Variants in SMR3A observed in about 807,000 individuals in gnomAD.
The protein encoded by SMR3A is submaxillary gland androgen-regulated protein 3A.
For synonymous variants in SMR3A, 48 were observed against 57.4 expected, an observed-to-expected ratio of 0.84 and a Z score of 0.74; for missense variants, 188 against 163.0, an observed-to-expected ratio of 1.15 and a Z score of -0.84.
chr4:70,364,543 C>G (rs1732220529), intron 2 of SMR3A, among the ~76,000 whole-genome samples: 1 of 151,840 alleles, frequency 6.6e-6, no homozygotes, highest in African/African-American at 2.4e-5. Context: ...AGAGCCAGGT[C>G]CCTCAGAAAA....
chr4:70,365,164 C>G (rs1295640893), intron 2 of SMR3A, among the ~76,000 whole-genome samples: 1 of 152,018 alleles, frequency 6.6e-6, no homozygotes, highest in Non-Finnish European at 1.5e-5. Flanking sequence ...ATCACAGAGA[C>G]AATCCTTTAT....
intron 2 of SMR3A, among the ~76,000 whole-genome samples, chr4:70,365,676 A>G (rs1293278978): frequency 3.3e-5 from 5 of 152,024 alleles, no homozygotes; most frequent in Admixed American, 3.3e-4. Context: ...GTAATTACTC[A>G]GCCTGTGGAT....
chr4:70,366,095 C>T (rs1732254128), intron 2 of SMR3A, among the ~76,000 whole-genome samples: 1 of 152,034 alleles, frequency 6.6e-6, no homozygotes, highest in Non-Finnish European at 1.5e-5. Flanking sequence ...TGCTCAATAA[C>T]AAATTACCAC....
chr4:70,362,420 A>C (rs1732170112), intron 2 of SMR3A, among the ~76,000 whole-genome samples: 1 of 151,880 alleles, frequency 6.6e-6, no homozygotes, highest in African/African-American at 2.4e-5. Flanking sequence ...GATAAGTATA[A>C]ATGTAGGTCC....
rs755873585 is a variant in SMR3A, at chr4:70,366,780, CA to C, written c.192del (p.Pro65HisfsTer57). On this transcript the variant is annotated frameshift_variant, in exon 3 of 3. Coordinates refer to ENST00000226460, the MANE Select transcript of SMR3A (RefSeq NM_012390.4). LOFTEE classifies it low-confidence loss of function (END_TRUNC). ...HPPPYGPGRFPPPLSPPYGPG... is the reference protein window; with the variant it reads ...HPPPYGPGRFXPPLSPPYGPG... The stretch of plus-strand genomic sequence containing the variant: ...CCACCCTATGGTCCAGGGAGATTTC[CA>C]CCACCCCTTTCTCCACCCTATGGTC... The C allele has an allele frequency of 2.4e-5, 38 of 1,613,244 alleles. No homozygotes were observed. The highest frequency in any genetic ancestry group is 3.1e-5 in the Non-Finnish European group (36 of 1,179,716).
At position 70,366,822 on chromosome 4, in the gene SMR3A, C is replaced by T. The variant is rs1732274963; in HGVS notation, c.233C>T (p.Pro78Leu). ...CCCTATGGTCCAGGGAGAATCCCACCATCCCCTCCTCCACCCTATGGTCCA... is the reference window on the plus strand; with the variant it reads ...CCCTATGGTCCAGGGAGAATCCCACTATCCCCTCCTCCACCCTATGGTCCA... ...SPPYGPGRIP[P>L]SPPPPYGPGR... The change falls in exon 3 of 3, where the codon CCA (proline) becomes CTA (leucine). Residue 78 changes from proline to leucine, a missense_variant. By Grantham distance (98) the Pro-to-Leu change is moderately conservative. Coordinates refer to ENST00000226460, the MANE Select transcript of SMR3A (RefSeq NM_012390.4). 6.2e-7 allele frequency: 1 copy of T among 1,613,438 alleles called. No homozygotes were observed. Among genetic ancestry groups the T allele is most frequent in the African/African-American group, 1.3e-5 (1 of 74,808 alleles).
Position 70,366,883 on chromosome 4 carries a change from T to G in SMR3A, c.294T>G (p.Tyr98Ter), listed in dbSNP as rs778602727. Residue 98 changes from tyrosine to a stop codon, truncating the protein, a stop_gained, in exon 3 of 3, where the codon TAT (tyrosine) becomes TAG (stop). Transcript: ENST00000226460. LOFTEE classifies it low-confidence loss of function (END_TRUNC). The part of the protein sequence containing the change: ...RIQSHSLPPP[Y>*]GPGYPQPPSQ... ...AATCACACTCTCTTCCTCCTCCTTA[T>G]GGCCCAGGTTATCCACAGCCACCTT... 1.2e-6 allele frequency: 2 copies of G among 1,613,664 alleles called. No individual in the cohort carries two copies. The highest frequency in any genetic ancestry group is 1.7e-6 in the Non-Finnish European group (2 of 1,179,774).
intron 2 of SMR3A, 152 bp downstream of exon 2, chr4:70,362,321 TA>T: frequency 7.1e-7 from 1 of 1,403,976 alleles, no homozygotes; most frequent in Non-Finnish European, 9.5e-7. Context: ...AATTTAAATT[TA>T]AAATCTAATT....
In SMR3A at chr4:70,366,792, C is replaced by G; in HGVS notation, c.203C>G (p.Ser68Cys). 6.2e-7 allele frequency: 1 copy of G among 1,613,326 alleles called. No homozygotes were observed. Among genetic ancestry groups the G allele is most frequent in the Non-Finnish European group, 8.5e-7 (1 of 1,179,682 alleles). The change falls in exon 3 of 3, where the codon TCT becomes TGT. Residue 68 changes from serine to cysteine, a missense_variant. Physicochemically the swap from Ser to Cys is moderately radical, Grantham distance 112. Transcript: ENST00000226460. ...CCAGGGAGATTTCCACCACCCCTTTCTCCACCCTATGGTCCAGGGAGAATC... is the reference window on the plus strand; with the variant it reads ...CCAGGGAGATTTCCACCACCCCTTTGTCCACCCTATGGTCCAGGGAGAATC... ...YGPGRFPPPLSPPYGPGRIPP... is the reference protein window; with the variant it reads ...YGPGRFPPPLCPPYGPGRIPP...
At chr4:70,366,425 A>G (rs1232927257) in intron 2 of SMR3A, among the ~76,000 whole-genome samples, 1 of 151,994 alleles carries the variant, frequency 6.6e-6, no homozygotes, top group Non-Finnish European at 1.5e-5. Context: ...CAAAGCCCAG[A>G]GGAAAGCATT....
rs1397406807 is a variant in SMR3A at position 70,362,095 on chromosome 4, C to G, written c.-14-7C>G. ...TCATACTGATCACCTATTGTGCTTA[C>G]TTTCAGAGGCAACTGAAAGGATGAA... On this transcript the variant is annotated splice_polypyrimidine_tract_variant and splice_region_variant and intron_variant, in intron 1 of 2. Coordinates refer to ENST00000226460, the MANE Select transcript of SMR3A (RefSeq NM_012390.4). 3 of 1,611,308 alleles carry G rather than the reference C, an allele frequency of 1.9e-6. No homozygotes were observed. The highest frequency in any genetic ancestry group is 8.5e-7 in the Non-Finnish European group (1 of 1,178,100).
intron 2 of SMR3A, among the ~76,000 whole-genome samples, chr4:70,365,607 C>T (rs1226836137): frequency 6.6e-6 from 1 of 151,932 alleles, no homozygotes; most frequent in Non-Finnish European, 1.5e-5. Flanking sequence ...CATGAAATCC[C>T]AGACACTCAT....
At position 70,366,758 on chromosome 4, in the gene SMR3A, C is replaced by T. The variant is rs757734183; in HGVS notation, c.169C>T (p.Pro57Ser). Residue 57 changes from proline (P) to serine (S), a missense_variant, in exon 3 of 3, where the codon CCC becomes TCC. By Grantham distance (74) the Pro-to-Ser change is moderately conservative (BLOSUM62 -1). Coordinates refer to ENST00000226460, the MANE Select transcript of SMR3A (RefSeq NM_012390.4). ...TGFVPPPHPP[P>S]YGPGRFPPPL... ...ATTTGTTCCACCACCCCATCCTCCA[C>T]CCTATGGTCCAGGGAGATTTCCACC... 5 of 1,613,330 alleles carry T rather than the reference C, an allele frequency of 3.1e-6. No homozygotes were observed. In the Admixed American group the frequency reaches 6.7e-5, roughly 22 times the overall value.
chr4:70,362,968 A>G (rs1028665441), intron 2 of SMR3A, among the ~76,000 whole-genome samples: 1 of 151,912 alleles, frequency 6.6e-6, no homozygotes, highest in Admixed American at 6.6e-5. Flanking sequence ...TCTTTCTTCT[A>G]CTTTTAAAAA....
Position 70,366,936 on chromosome 4 carries a change from C to G in SMR3A, c.347C>G (p.Pro116Arg), listed in dbSNP as rs1286157077. Residue 116 changes from proline (P) to arginine (R), a missense_variant, in exon 3 of 3, where the codon CCT becomes CGT. Pro to Arg is a moderately radical substitution (Grantham distance 103). Transcript: ENST00000226460. ...PSQPRPYPPG[P>R]PFFPVNSPTD... is the part of the protein sequence containing the mutation. The stretch of plus-strand genomic sequence containing the variant: ...CAACCAAGACCCTATCCACCTGGAC[C>G]TCCATTTTTCCCTGTAAATTCTCCA... 6.2e-7 allele frequency: 1 copy of G among 1,613,636 alleles called. No homozygotes were observed. The highest frequency in any genetic ancestry group is 8.5e-7 in the Non-Finnish European group (1 of 1,179,774).
intron 2 of SMR3A, among the ~76,000 whole-genome samples, 180 bp downstream of exon 2, chr4:70,362,349 A>G (rs544415064): frequency 6.6e-6 from 1 of 152,002 alleles, no homozygotes; most frequent in Non-Finnish European, 1.5e-5. Flanking sequence ...AAATAGCCCC[A>G]TATGTCTGAT....
chr4:70,365,236 T>C (rs1245802427), intron 2 of SMR3A, among the ~76,000 whole-genome samples: 2 of 152,032 alleles, frequency 1.3e-5, no homozygotes, highest in East Asian at 1.9e-4. Flanking sequence ...TGCACTACTT[T>C]TCAGCTATTT....
chr4:70,364,066 G>A (rs904835699), intron 2 of SMR3A, among the ~76,000 whole-genome samples: 3 of 152,004 alleles, frequency 2.0e-5, no homozygotes, highest in Non-Finnish European at 4.4e-5. Flanking sequence ...AAGGGCAAAA[G>A]CCAGGTTGAA....
intron 2 of SMR3A, among the ~76,000 whole-genome samples, chr4:70,366,384 A>G (rs1732261466): frequency 6.6e-6 from 1 of 151,620 alleles, no homozygotes; most frequent in Non-Finnish European, 1.5e-5. Flanking sequence ...GTACTTCCAC[A>G]TGGCCCTCGC....
Sources: gnomAD v4.1 joint callset for allele counts (sites outside exome capture counted in the v4.1 genomes callset) on GRCh38, gnomAD v4.1.1 for gene constraint, MANE v1.5 for transcripts, NCBI Gene and HGNC (gene_info 2026-07-23, HGNC 2026-07-21) for gene names.